CSK: variants seen among roughly 807,000 people sequenced by gnomAD.
CSK encodes tyrosine-protein kinase CSK.
Under a neutral mutation model 62.3 loss-of-function variants are expected in CSK, and 7 were observed. The observed-to-expected ratio is 0.11, with a 90% CI of 0.06 to 0.21. The LOEUF (loss-of-function observed/expected upper bound fraction) is 0.21. Ranked by LOEUF, CSK falls within the 10% of genes least tolerant of loss-of-function variation. The pLI, the probability that CSK is intolerant of heterozygous loss-of-function variation, is 1.00. For synonymous variants in CSK, 237 were observed against 246.0 expected, an observed-to-expected ratio of 0.96 and a Z score of 0.34; for missense variants, 294 against 613.5, an observed-to-expected ratio of 0.48 and a Z score of 5.50.
chr15:74,789,099 C>G (rs1008449992), intron 1 of CSK, among the ~76,000 whole-genome samples: 1 of 152,234 alleles, frequency 6.6e-6, no homozygotes, highest in South Asian at 2.1e-4. Context: ...ACGGGATTTC[C>G]GGTCCCACTG....
intron 1 of CSK, chr15:74,790,806 T>G (rs2063608961): frequency 6.6e-6 from 1 of 152,144 alleles, no homozygotes; most frequent in East Asian, 1.9e-4. Flanking sequence ...ACCCTCACTT[T>G]CCCCCTGCAG....
At position 74,799,463 on chromosome 15, in the gene CSK, A is replaced by C. The variant is rs1220491616; in HGVS notation, c.434A>C (p.Tyr145Ser). 2 of 1,613,182 alleles carry C rather than the reference A, an allele frequency of 1.2e-6. No homozygotes were observed. Among genetic ancestry groups the C allele is most frequent in the Non-Finnish European group, 1.7e-6 (2 of 1,179,988 alleles). Residue 145 changes from tyrosine (Y) to serine (S), a missense_variant, in exon 5 of 13, where the codon TAC becomes TCC. This residue lies in a region of CSK where 202 missense variants were observed against 415.7 expected (regional missense o/e 0.49). Transcript: ENST00000220003. Reference protein sequence around the residue: ...ASKLSIDEEVYFENLMQLVEH... With the variant: ...ASKLSIDEEVSFENLMQLVEH... ...AAGCTCAGCATCGACGAGGAGGTGT[A>C]CTTTGAGAACCTCATGCAGCTGGTG...
intron 1 of CSK, among the ~76,000 whole-genome samples, chr15:74,793,681 C>A (rs2063660118): frequency 6.6e-6 from 1 of 152,194 alleles, no homozygotes; most frequent in Non-Finnish European, 1.5e-5. Flanking sequence ...AAGGACAGGG[C>A]CTGGCACAGA....
intron 9 of CSK, among the ~76,000 whole-genome samples, 188 bp downstream of exon 9, chr15:74,801,290 C>T (rs1458852356): frequency 6.6e-6 from 1 of 152,222 alleles, no homozygotes; most frequent in African/African-American, 2.4e-5. Flanking sequence ...CTCCAAGCCT[C>T]AGCATCACAT....
rs747607029 is a variant in CSK at position 74,802,384 on chromosome 15, C to T, written c.1224C>T (p.Pro408=). ...AGAAGGGCTACAAGATGGATGCCCC[C>T]GACGGCTGCCCGCCCGCAGTCTATG... The part of the protein sequence containing the change: ...RVEKGYKMDA[P]DGCPPAVYEV... Residue 408 remains proline, a synonymous_variant, in exon 13 of 13, where the codon CCC becomes CCT. Coordinates refer to ENST00000220003, the MANE Select transcript of CSK (RefSeq NM_004383.3). 1.3e-5 allele frequency: 21 copies of T among 1,611,200 alleles called. No individual in the cohort carries two copies. The highest frequency in any genetic ancestry group is 6.7e-5 in the East Asian group (3 of 44,796).
Position 74,799,281 on chromosome 15 carries a change from C to T in CSK, c.252C>T (p.His84=), listed in dbSNP as rs775009760. 13 of 1,608,240 alleles carry T rather than the reference C, an allele frequency of 8.1e-6. No homozygotes were observed. The highest frequency in any genetic ancestry group is 1.7e-5 in the Admixed American group (1 of 59,898). Residue 84 remains histidine (H), a synonymous_variant, in exon 5 of 13, where the codon CAC becomes CAT. Coordinates refer to ENST00000220003, the MANE Select transcript of CSK (RefSeq NM_004383.3). The stretch of plus-strand genomic sequence containing the variant: ...CCCTGCTGCTCCCCAGTTGGTTCCA[C>T]GGCAAGATCACACGGGAGCAGGCTG... ...GTKLSLMPWF[H]GKITREQAER...
At chr15:74,785,641 C>A (rs1284870320) in intron 1 of CSK, among the ~76,000 whole-genome samples, 1 of 152,234 alleles carries the variant, frequency 6.6e-6, no homozygotes, top group African/African-American at 2.4e-5. Context: ...TTTCTTCACT[C>A]CCTCTGTGAG....
At chr15:74,789,280 C>T (rs573019063) in intron 1 of CSK, among the ~76,000 whole-genome samples, 5 of 152,362 alleles carry the variant, frequency 3.3e-5, no homozygotes, top group Admixed American at 1.3e-4. Flanking sequence ...GTAACCGCCC[C>T]GGGAGGTGTA....
chr15:74,787,947 C>T (rs1445399637), intron 1 of CSK, among the ~76,000 whole-genome samples: 3 of 152,206 alleles, frequency 2.0e-5, no homozygotes, highest in African/African-American at 4.8e-5. Context: ...ACCCTGAGAG[C>T]GCCTCTGCTG....
At chr15:74,794,846 G>GC (rs1431319192) in intron 1 of CSK, among the ~76,000 whole-genome samples, 1 of 152,022 alleles carries the variant, frequency 6.6e-6, no homozygotes, top group Non-Finnish European at 1.5e-5. Flanking sequence ...ATGATCACAT[G>GC]CCCCCCTGCT....
At chr15:74,787,010 G>A (rs968454858) in intron 1 of CSK, among the ~76,000 whole-genome samples, 2 of 152,154 alleles carry the variant, frequency 1.3e-5, no homozygotes, top group South Asian at 2.1e-4. Context: ...GGTGGGGTCC[G>A]CCCCAAGATG....
rs967506770 is a variant in CSK, at chr15:74,782,912, G to A, written c.-66+192G>A. Among the ~76,000 whole-genome samples, 8 of 152,274 alleles carry A rather than the reference G, an allele frequency of 5.3e-5. No individual in the cohort carries two copies. Among genetic ancestry groups the A allele is most frequent in the African/African-American group, 1.4e-4 (6 of 41,474 alleles). ...CTGTCAGAACCCAAATTGGAAGGGA[G>A]TGCATGAGGGAGGTACTGCCCTGCA... On this transcript the variant is annotated intron_variant, in intron 1 of 12. Transcript: ENST00000220003. The surrounding 1 kb of genome is among the most constrained non-coding windows in gnomAD (Gnocchi z 5.7).
rs1432472537 is a variant in CSK, at chr15:74,802,694, G to A, written c.*181G>A. On this transcript the variant is annotated 3_prime_UTR_variant, in exon 13 of 13. Transcript: ENST00000220003. Reference sequence around the variant, plus strand: ...TCTCTTGGACCCACCTGTGGGGCCTGGGGAGCCCACTGAGGGGCCAGGGAG... The same window carrying A: ...TCTCTTGGACCCACCTGTGGGGCCTAGGGAGCCCACTGAGGGGCCAGGGAG... 2.8e-6 allele frequency: 2 copies of A among 721,262 alleles called. No homozygotes were observed. Among genetic ancestry groups the A allele is most frequent in the African/African-American group, 1.9e-5 (1 of 52,830 alleles). The allele number at this position is 721,262 out of a possible 1,614,324, so 44.7% of individuals were successfully genotyped here.
Position 74,802,005 on chromosome 15 carries a change from C to T in CSK, c.1092C>T (p.Ser364=). Residue 364 remains serine (S), a synonymous_variant, in exon 12 of 13, where the codon TCC becomes TCT. Coordinates refer to ENST00000220003, the MANE Select transcript of CSK (RefSeq NM_004383.3). ...TTCCATCCACATGGCAGAAATTCTCCACTAAGTCTGACGTGTGGAGTTTCG... is the reference window on the plus strand; with the variant it reads ...TTCCATCCACATGGCAGAAATTCTCTACTAAGTCTGACGTGTGGAGTTTCG... ...APEALREKKF[S]TKSDVWSFGI... 6.2e-7 allele frequency: 1 copy of T among 1,613,994 alleles called. No homozygotes were observed. The highest frequency in any genetic ancestry group is 1.1e-5 in the South Asian group (1 of 91,058).
intron 4 of CSK, 118 bp downstream of exon 4, chr15:74,799,056 G>T: frequency 1.9e-6 from 2 of 1,072,472 alleles, no homozygotes. Flanking sequence ...GCCTCAGGAG[G>T]AGGTGCAGGG....
Position 74,799,335 on chromosome 15 carries a change from C to T in CSK, c.306C>T (p.Gly102=). ...GGCTTCTGTACCCGCCGGAGACAGG[C>T]CTGTTCCTGGTGCGGGAGAGCACCA... is the stretch of plus-strand genomic sequence containing the variant. The part of the protein sequence containing the change: ...AERLLYPPET[G]LFLVRESTNY... The change falls in exon 5 of 13, where the codon GGC becomes GGT. Residue 102 remains glycine, a synonymous_variant. Coordinates refer to ENST00000220003, the MANE Select transcript of CSK (RefSeq NM_004383.3). 6.2e-7 allele frequency: 1 copy of T among 1,612,800 alleles called. No individual in the cohort carries two copies. Among genetic ancestry groups the T allele is most frequent in the Non-Finnish European group, 8.5e-7 (1 of 1,179,990 alleles).
intron 1 of CSK, among the ~76,000 whole-genome samples, chr15:74,791,947 A>G (rs4886627): frequency 0.12 from 17,826 of 152,168 alleles, 1,708 homozygotes; most frequent in South Asian, 0.4. Flanking sequence ...CCTGTTTCCA[A>G]TTAGCCTGTG....
chr15:74,789,745 A>G (rs924877055), intron 1 of CSK, among the ~76,000 whole-genome samples: 1 of 152,102 alleles, frequency 6.6e-6, no homozygotes, highest in African/African-American at 2.4e-5. Flanking sequence ...ACTTTCCCCT[A>G]AAATCCTTCT....
chr15:74,800,317 G>A (rs1332228668), intron 5 of CSK, 95 bp from the exon 6 acceptor site: 1 of 1,083,524 alleles, frequency 9.2e-7, no homozygotes, highest in African/African-American at 1.6e-5. Flanking sequence ...GGCTAGGCGG[G>A]GCTGGCCTCT....
Sources: gnomAD v4.1 joint callset for allele counts (sites outside exome capture counted in the v4.1 genomes callset) on GRCh38, gnomAD v4.1.1 for gene constraint, gnomAD v4.1.1 regional missense constraint, Gnocchi (gnomAD v3.1) non-coding constraint, MANE v1.5 for transcripts, NCBI Gene and HGNC (gene_info 2026-07-23, HGNC 2026-07-21) for gene names.